The following PXDNL variants were observed in gnomAD, a reference collection of about 807,000 sequenced individuals.
The protein encoded by PXDNL is peroxidasin like, also known as probable oxidoreductase PXDNL.
Under a neutral mutation model 150.8 loss-of-function variants are expected in PXDNL, and 145 were observed. The ratio of observed to expected loss-of-function variants is 0.96; its 90% CI spans 0.84 to 1.10. The LOEUF is 1.10. Among genes scored for constraint, PXDNL ranks in the 50% least tolerant of loss-of-function variants. The pLI, the probability that PXDNL is intolerant of heterozygous loss-of-function variation, is 0.00. For missense variants in PXDNL, 2,087 were observed against 1,873.9 expected (o/e 1.11, Z -2.10); for synonymous variants, 757 against 725.7 (o/e 1.04, Z -0.69).
At chr8:51,588,957 C>T (rs1021407563) in intron 3 of PXDNL, among the ~76,000 whole-genome samples, 1 of 152,102 alleles carries the variant, frequency 6.6e-6, no homozygotes. Flanking sequence ...ATTTAATTTC[C>T]AGTGTAACTA....
rs149899209 is a variant in PXDNL, at chr8:51,508,776, A to G, written c.381-9006T>C. Among the ~76,000 whole-genome samples, 19 of 152,256 alleles carry G rather than the reference A, an allele frequency of 1.2e-4. No individual in the cohort carries two copies. In the East Asian group the frequency reaches 3.7e-3, roughly 29 times the overall value. ...CAGCCCCATGCCCATGTGGCTGCCT[A>G]GTAGACAACTCAAACTTGTTGTGTG... On this transcript the variant is annotated intron_variant, in intron 4 of 22. Transcript: ENST00000356297.
chr8:51,597,395 G>A (rs1813593327), intron 2 of PXDNL, among the ~76,000 whole-genome samples: 2 of 151,986 alleles, frequency 1.3e-5, no homozygotes, highest in South Asian at 4.2e-4. Context: ...GGTATTTAGG[G>A]TTTCATATAA....
At chr8:51,491,380 G>A (rs1810891573) in intron 5 of PXDNL, among the ~76,000 whole-genome samples, 1 of 152,216 alleles carries the variant, frequency 6.6e-6, no homozygotes, top group Non-Finnish European at 1.5e-5. Flanking sequence ...TGCCTCTGGA[G>A]AGAGGGTCCA....
At chr8:51,623,407 G>A (rs1254749961) in intron 2 of PXDNL, among the ~76,000 whole-genome samples, 5 of 152,246 alleles carry the variant, frequency 3.3e-5, no homozygotes, top group Admixed American at 2.0e-4. Context: ...CTTAGAAGAG[G>A]TGGTGGTAAG....
At chr8:51,546,390 G>T (rs1812361731) in intron 4 of PXDNL, among the ~76,000 whole-genome samples, 1 of 152,198 alleles carries the variant, frequency 6.6e-6, no homozygotes, top group Non-Finnish European at 1.5e-5. Flanking sequence ...GTACTTGGAT[G>T]GGATTTAGGG....
At chr8:51,621,279 A>G (rs1394703040) in intron 2 of PXDNL, among the ~76,000 whole-genome samples, 1 of 152,206 alleles carries the variant, frequency 6.6e-6, no homozygotes, top group Non-Finnish European at 1.5e-5. Flanking sequence ...TAATACACAA[A>G]CATGTATTCT....
Position 51,454,965 on chromosome 8 carries a change from C to T in PXDNL, c.983-1180G>A, listed in dbSNP as rs752712285. ...GGCAAGAGGTAAGGGAAAAATTAGC[C>T]GGGCGCGGTGGCGGGCGCCTGTAGT... On this transcript the variant is annotated intron_variant, in intron 9 of 22. Transcript: ENST00000356297. 3.1e-5 allele frequency among the ~76,000 whole-genome samples: 3 copies of T among 96,256 alleles called. 1 individual carries two copies. Among genetic ancestry groups the T allele is most frequent in the South Asian group, 6.3e-4 (2 of 3,182 alleles). The allele number at this position is 96,256 out of a possible 152,430, so 63.1% of individuals were successfully genotyped here.
intron 5 of PXDNL, among the ~76,000 whole-genome samples, chr8:51,497,909 G>GGGT (rs1396598769): frequency 2.0e-5 from 3 of 152,148 alleles, no homozygotes; most frequent in African/African-American, 7.2e-5. Flanking sequence ...AATATCATTT[G>GGGT]ACCCAGCCAT....
chr8:51,757,524 T>C (rs2037115197), intron 1 of PXDNL, among the ~76,000 whole-genome samples: 1 of 152,222 alleles, frequency 6.6e-6, no homozygotes, highest in African/African-American at 2.4e-5. Context: ...TTTCAACCTT[T>C]GCTTAGTAAA....
At chr8:51,512,041 G>A (rs76737942) in intron 4 of PXDNL, among the ~76,000 whole-genome samples, 100 of 152,290 alleles carry the variant, frequency 6.6e-4, no homozygotes, top group Non-Finnish European at 1.1e-3. Context: ...CACTGTGGCC[G>A]TGAACAATGC....
intron 4 of PXDNL, among the ~76,000 whole-genome samples, chr8:51,556,519 A>C (rs769394955): frequency 6.6e-6 from 1 of 152,190 alleles, no homozygotes; most frequent in Non-Finnish European, 1.5e-5. Flanking sequence ...TGCTCTTTGC[A>C]TGCAGTACCT....
rs561170611 is a variant in PXDNL, at chr8:51,666,720, C to A, written c.165-11960G>T. Among the ~76,000 whole-genome samples, 20 of 152,262 alleles carry A rather than the reference C, an allele frequency of 1.3e-4. No homozygotes were observed. In the South Asian group the frequency reaches 4.1e-3, roughly 32 times the overall value. ...TGACCCTACACATCCATGCAGCTAC[C>A]AAGTCCTCTGCACCTCCCAAGTCCC... On this transcript the variant is annotated intron_variant, in intron 1 of 22. Transcript: ENST00000356297.
chr8:51,725,183 G>A (rs180687742), intron 1 of PXDNL, among the ~76,000 whole-genome samples: 63 of 152,210 alleles, frequency 4.1e-4, no homozygotes, highest in African/African-American at 1.5e-3. Context: ...CACCCACAAT[G>A]TCTAGAAAGT....
chr8:51,361,501 A>G (rs186064269), intron 19 of PXDNL, among the ~76,000 whole-genome samples: 1 of 152,190 alleles, frequency 6.6e-6, no homozygotes, highest in African/African-American at 2.4e-5. Context: ...GTTTCTAAAG[A>G]ACTGAATAAT....
chr8:51,522,947 A>T (rs1434940177), intron 4 of PXDNL, among the ~76,000 whole-genome samples: 1 of 152,206 alleles, frequency 6.6e-6, no homozygotes, highest in Non-Finnish European at 1.5e-5. Context: ...TGGGAAACTT[A>T]AGACCATTAA....
intron 12 of PXDNL, among the ~76,000 whole-genome samples, chr8:51,427,216 T>C (rs1809129370): frequency 6.6e-6 from 1 of 152,140 alleles, no homozygotes; most frequent in South Asian, 2.1e-4. Flanking sequence ...TTGAGATAGC[T>C]CTGTAACTAT....
intron 3 of PXDNL, among the ~76,000 whole-genome samples, chr8:51,574,446 T>A (rs1410774972): frequency 6.7e-6 from 1 of 149,192 alleles, no homozygotes; most frequent in Non-Finnish European, 1.5e-5. Flanking sequence ...ATATCTGGTA[T>A]TTTTTTTTCA....
intron 2 of PXDNL, among the ~76,000 whole-genome samples, chr8:51,632,619 T>C (rs912940783): frequency 2.0e-5 from 3 of 152,100 alleles, no homozygotes; most frequent in Non-Finnish European, 2.9e-5. Flanking sequence ...CAATAAAGTA[T>C]TTAAAAAATA....
intron 1 of PXDNL, among the ~76,000 whole-genome samples, chr8:51,738,534 T>G (rs1460179108): frequency 6.6e-6 from 1 of 152,038 alleles, no homozygotes; most frequent in Non-Finnish European, 1.5e-5. Context: ...AATTTTATAT[T>G]GCAACTTAGC....
Sources: allele counts gnomAD v4.1 joint callset (sites outside exome capture counted in the v4.1 genomes callset), GRCh38; gene constraint gnomAD v4.1.1; transcripts MANE v1.5; gene names NCBI Gene and HGNC (gene_info 2026-07-23, HGNC 2026-07-21).